The following SFPQ variants were observed in gnomAD, a reference collection of about 807,000 sequenced individuals.
SFPQ encodes splicing factor, proline- and glutamine-rich.
Under a neutral mutation model 72.9 loss-of-function variants are expected in SFPQ, and 11 were observed. That is an observed-to-expected ratio of 0.15 (90% CI 0.09 to 0.25). The LOEUF is 0.25. SFPQ is among the 10% of genes least tolerant of loss of function. The pLI, the probability that SFPQ is intolerant of heterozygous loss-of-function variation, is 1.00. For synonymous variants in SFPQ, 506 were observed against 367.3 expected, an observed-to-expected ratio of 1.38 and a Z score of -4.32; for missense variants, 847 against 993.3, an observed-to-expected ratio of 0.85 and a Z score of 1.98.
Position 35,192,935 on chromosome 1 carries a change from C to T in SFPQ, c.115G>A (p.Gly39Ser), listed in dbSNP as rs765038579. Reference protein sequence around the residue: ...HDFRSPPPGMGLNQNRGPMGP... With the variant: ...HDFRSPPPGMSLNQNRGPMGP... ...ATGGGGCCGCGATTCTGATTGAGGC[C>T]CATGCCGGGCGGCGGAGAACGGAAG... The change falls in exon 1 of 10, where the codon GGC (glycine) becomes AGC (serine). Residue 39 changes from glycine to serine, a missense_variant. Transcript: ENST00000357214. The T allele has an allele frequency of 6.3e-7, 1 of 1,587,230 alleles. No individual in the cohort carries two copies. Among genetic ancestry groups the T allele is most frequent in the Admixed American group, 1.7e-5 (1 of 57,668 alleles).
downstream of SFPQ, chr1:35,181,641 G>A (rs1259041294): frequency 9.4e-7 from 1 of 1,060,602 alleles, no homozygotes; most frequent in African/African-American, 1.6e-5. Context: ...AAAACAACCA[G>A]TGTTCCTCTT....
At chr1:35,180,403 C>T (rs1289805605), downstream of SFPQ, 1 of 1,036,298 alleles carries the variant, frequency 9.6e-7, no homozygotes, top group Non-Finnish European at 1.2e-6. Flanking sequence ...CTACTCTGAA[C>T]ATATGCAGTC....
Position 35,183,014 on chromosome 1 carries a change from A to T in SFPQ, c.*1442T>A. On this transcript the variant is annotated 3_prime_UTR_variant, in exon 10 of 10. Transcript: ENST00000357214. ...AGCAACTTTCTCCAGATTTAGTGCT[A>T]CATGAAAACGAAACTATGTGAAAAC... The T allele has an allele frequency of 9.6e-7, 1 of 1,037,884 alleles. No homozygotes were observed. The highest frequency in any genetic ancestry group is 5.6e-5 in the Admixed American group (1 of 17,700). The allele number at this position is 1,037,884 out of a possible 1,614,324, so 64.3% of individuals were successfully genotyped here.
In SFPQ at chr1:35,192,945, C is replaced by A; in HGVS notation, c.105G>T (p.Pro35=). 1 of 1,570,410 alleles carries A rather than the reference C, an allele frequency of 6.4e-7. No homozygotes were observed. Among genetic ancestry groups the A allele is most frequent in the South Asian group, 1.1e-5 (1 of 89,378 alleles). The change falls in exon 1 of 10, where the codon CCG becomes CCT. Residue 35 remains proline, a synonymous_variant. Coordinates refer to ENST00000357214, the MANE Select transcript of SFPQ (RefSeq NM_005066.3). ...RGGLHDFRSP[P]PGMGLNQNRG... ...GATTCTGATTGAGGCCCATGCCGGG[C>A]GGCGGAGAACGGAAGTCGTGGAGGC...
rs1431128220 is a variant in SFPQ at position 35,192,318 on chromosome 1, G to A, written c.732C>T (p.Gly244=). The part of the protein sequence containing the change: ...PHRGGGEPRG[G]RQHHPPYHQQ... ...GGTGGTAGGGCGGGTGGTGCTGGCG[G>A]CCCCCGCGGGGCTCCCCGCCGCCTC... Residue 244 remains glycine, a synonymous_variant, in exon 1 of 10, where the codon GGC becomes GGT. Transcript: ENST00000357214. 1.4e-6 allele frequency: 2 copies of A among 1,428,708 alleles called. No individual in the cohort carries two copies. Among genetic ancestry groups the A allele is most frequent in the East Asian group, 3.1e-5 (1 of 32,596 alleles). 88.5% of individuals were successfully genotyped at this position (1,428,708 alleles called of 1,614,324 possible).
intron 9 of SFPQ, among the ~76,000 whole-genome samples, chr1:35,185,734 T>C (rs1348593067): frequency 3.3e-5 from 5 of 152,334 alleles, no homozygotes; most frequent in African/African-American, 1.2e-4. Flanking sequence ...ACTAAACTTT[T>C]ATCCTTTGTT....
downstream of SFPQ, chr1:35,180,986 C>T: frequency 6.6e-6 from 7 of 1,065,106 alleles, no homozygotes; most frequent in Non-Finnish European, 8.0e-6. Context: ...TCTAACCCCA[C>T]ACCCACACAG....
intron 8 of SFPQ, 37 bp from the exon 9 acceptor site, chr1:35,187,159 A>C: frequency 1.2e-6 from 2 of 1,614,064 alleles, no homozygotes; most frequent in Non-Finnish European, 1.7e-6. Context: ...CTCCACCAGG[A>C]TACTACTCTC....
At chr1:35,182,438 T>C (rs1639508757), downstream of SFPQ, 1 of 985,314 alleles carries the variant, frequency 1.0e-6, no homozygotes, top group Non-Finnish European at 1.2e-6. Context: ...CATTACTTTC[T>C]AATGAGATTC....
At chr1:35,177,894 CTCAAA>C in intron 4 of SFPQ, 1 of 455,848 alleles carries the variant, frequency 2.2e-6, no homozygotes, top group South Asian at 4.0e-5. Context: ...CGGTAAACAT[CTCAAA>C]TATCGAAGTT....
chr1:35,178,002 G>GCACT, downstream of SFPQ: 1 of 1,280,866 alleles, frequency 7.8e-7, no homozygotes, highest in Non-Finnish European at 1.0e-6. Context: ...ATGTGAATGA[G>GCACT]CACTCCAATA....
intron 6 of SFPQ, 119 bp downstream of exon 6, chr1:35,188,884 C>G: frequency 4.0e-6 from 3 of 754,260 alleles, no homozygotes; most frequent in Non-Finnish European, 6.8e-6. Flanking sequence ...TCGCTTGAAC[C>G]CAGGAAGCGG....
intron 5 of SFPQ, among the ~76,000 whole-genome samples, chr1:35,176,952 A>G (rs1434747299): frequency 6.6e-6 from 1 of 152,108 alleles, no homozygotes; most frequent in Non-Finnish European, 1.5e-5. Context: ...GGAGTGGCTC[A>G]AGCCTGTAAT....
At chr1:35,188,938 G>C in intron 6 of SFPQ, 65 bp downstream of exon 6, 1 of 1,308,658 alleles carries the variant, frequency 7.6e-7, no homozygotes, top group Non-Finnish European at 1.1e-6. Context: ...TCCAGCCCGG[G>C]CAACAGAATG....
At position 35,187,137 on chromosome 1, in the gene SFPQ, T is replaced by C. The variant is rs780043878; in HGVS notation, c.1865-15A>G. ...ACCATAGGGATCTAGAAAACAAAAA[T>C]AGTGGTTACAACTCCACCAGGATAC... On this transcript the variant is annotated splice_polypyrimidine_tract_variant and intron_variant, in intron 8 of 9. Coordinates refer to ENST00000357214, the MANE Select transcript of SFPQ (RefSeq NM_005066.3). 3.1e-5 allele frequency: 50 copies of C among 1,613,994 alleles called. No homozygotes were observed. Among genetic ancestry groups the C allele is most frequent in the South Asian group, 3.1e-4 (28 of 91,074 alleles).
intron 4 of SFPQ, among the ~76,000 whole-genome samples, chr1:35,190,111 C>G (rs541585665): frequency 6.6e-6 from 1 of 151,792 alleles, no homozygotes; most frequent in African/African-American, 2.4e-5. Flanking sequence ...AAATAGAAAA[C>G]GAGCCAGGCA....
rs974721440 is a variant in SFPQ at position 35,193,141 on chromosome 1, C to G, written c.-92G>C. The G allele has an allele frequency of 1.4e-6, 2 of 1,471,922 alleles. No homozygotes were observed. The highest frequency in any genetic ancestry group is 1.8e-6 in the Non-Finnish European group (2 of 1,119,258). The allele number at this position is 1,471,922 out of a possible 1,614,324, so 91.2% of individuals were successfully genotyped here. On this transcript the variant is annotated 5_prime_UTR_variant, in exon 1 of 10. Coordinates refer to ENST00000357214, the MANE Select transcript of SFPQ (RefSeq NM_005066.3). ...GCTTCTCACAAAATGGCGGATGACACAGGCGGCGCGCCGCCTTTGTCCTCG... is the reference window on the plus strand; with the variant it reads ...GCTTCTCACAAAATGGCGGATGACAGAGGCGGCGCGCCGCCTTTGTCCTCG...
At chr1:35,191,590 G>C (rs1639999317) in intron 1 of SFPQ, 61 bp from the exon 2 acceptor site, 1 of 1,327,886 alleles carries the variant, frequency 7.5e-7, no homozygotes, top group African/African-American at 1.5e-5. Flanking sequence ...AAATCCCCAA[G>C]ATAGTATTTG....
chr1:35,192,296 G>A lies in SFPQ; in HGVS notation c.754C>T (p.His252Tyr), dbSNP rs1640056680. 2 of 1,458,602 alleles carry A rather than the reference G, an allele frequency of 1.4e-6. No individual in the cohort carries two copies. Among genetic ancestry groups the A allele is most frequent in the Admixed American group, 2.7e-5 (1 of 37,446 alleles). The allele number at this position is 1,458,602 out of a possible 1,614,324, so 90.4% of individuals were successfully genotyped here. Residue 252 changes from histidine (H) to tyrosine (Y), a missense_variant, in exon 1 of 10, where the codon CAC (histidine) becomes TAC (tyrosine). His to Tyr is a moderately conservative substitution (Grantham distance 83). Around this residue, in one of 6 missense-constraint regions of SFPQ, gnomAD observed 498 missense variants for 405.1 expected, o/e 1.23. Coordinates refer to ENST00000357214, the MANE Select transcript of SFPQ (RefSeq NM_005066.3). ...RGGRQHHPPYHQQHHQGPPPG... is the reference protein window; with the variant it reads ...RGGRQHHPPYYQQHHQGPPPG... ...GGGGGCCCCTGGTGATGCTGCTGGT[G>A]GTAGGGCGGGTGGTGCTGGCGGCCC...
Sources: allele counts gnomAD v4.1 joint callset (sites outside exome capture counted in the v4.1 genomes callset), GRCh38; gene constraint gnomAD v4.1.1; regional missense constraint gnomAD v4.1.1; transcripts MANE v1.5; gene names NCBI Gene and HGNC (gene_info 2026-07-23, HGNC 2026-07-21).